Variants in ATP9A observed in about 807,000 individuals in gnomAD.
The protein encoded by ATP9A is ATPase phospholipid transporting 9A, also known as probable phospholipid-transporting ATPase IIA.
ATP9A carries 52 observed loss-of-function variants against 144.1 expected under a neutral mutation model. The observed-to-expected ratio is 0.36, with a 90% CI of 0.29 to 0.45. The LOEUF (loss-of-function observed/expected upper bound fraction) is 0.45. Among genes scored for constraint, ATP9A ranks in the 20% least tolerant of loss-of-function variants. The pLI is 1.00. For missense variants in ATP9A, 947 were observed against 1,392.7 expected (o/e 0.68, Z 5.09); for synonymous variants, 582 against 557.4 (o/e 1.04, Z -0.62).
intron 4 of ATP9A, among the ~76,000 whole-genome samples, chr20:51,700,902 G>C (rs1481589423): frequency 6.6e-6 from 1 of 152,136 alleles, no homozygotes; most frequent in Non-Finnish European, 1.5e-5. Context: ...TTGGCAGAAC[G>C]ATTTCATGGC....
At chr20:51,613,860 C>CAGA in intron 22 of ATP9A, 28 bp from the exon 23 acceptor site, 1 of 1,596,616 alleles carries the variant, frequency 6.3e-7, no homozygotes, top group Non-Finnish European at 8.5e-7. Context: ...TAGGCACCAT[C>CAGA]AGAAGCACAA....
intron 13 of ATP9A, among the ~76,000 whole-genome samples, 195 bp from the exon 14 acceptor site, chr20:51,657,345 A>G (rs1159925123): frequency 1.3e-5 from 2 of 152,130 alleles, no homozygotes; most frequent in African/African-American, 4.8e-5. Context: ...GCAAAAAAAA[A>G]AGAAAAAGAG....
At chr20:51,746,973 T>A (rs1470600448) in intron 1 of ATP9A, among the ~76,000 whole-genome samples, 18 of 151,788 alleles carry the variant, frequency 1.2e-4, no homozygotes, top group Non-Finnish European at 2.6e-4. Context: ...GCCATTGCAC[T>A]CCAGCCTGGG....
intron 4 of ATP9A, among the ~76,000 whole-genome samples, chr20:51,703,986 G>A (rs1021551903): frequency 6.6e-6 from 1 of 152,044 alleles, no homozygotes; most frequent in Non-Finnish European, 1.5e-5. Context: ...CATTTCCTGA[G>A]GTTGACATTA....
At chr20:51,661,063 C>A in intron 13 of ATP9A, among the ~76,000 whole-genome samples, 1 of 152,150 alleles carries the variant, frequency 6.6e-6, no homozygotes, top group East Asian at 1.9e-4. Context: ...AGGGCCCTGA[C>A]TTGGGCCCCT....
At chr20:51,699,645 C>T (rs1568826408) in intron 4 of ATP9A, among the ~76,000 whole-genome samples, 2 of 151,176 alleles carry the variant, frequency 1.3e-5, no homozygotes, top group African/African-American at 2.4e-5. Context: ...CTTCTGACTT[C>T]TTTTTTTTTC....
intron 1 of ATP9A, among the ~76,000 whole-genome samples, chr20:51,759,568 G>A (rs935945275): frequency 1.6e-4 from 24 of 152,074 alleles, no homozygotes; most frequent in Admixed American, 1.3e-4. Context: ...ATGTACTCAG[G>A]AGGCTGAGGC....
chr20:51,711,000 T>C (rs970893985), intron 4 of ATP9A, among the ~76,000 whole-genome samples: 6 of 152,064 alleles, frequency 3.9e-5, no homozygotes, highest in Non-Finnish European at 8.8e-5. Context: ...TTAAATGTTA[T>C]AGTAAGAATA....
At chr20:51,620,453 A>G (rs146077207) in intron 19 of ATP9A, among the ~76,000 whole-genome samples, 2 of 152,276 alleles carry the variant, frequency 1.3e-5, no homozygotes, top group African/African-American at 4.8e-5. Context: ...CCTGGTTGCA[A>G]TATCTTCATA....
chr20:51,717,710 C>A (rs1365925560), intron 3 of ATP9A, among the ~76,000 whole-genome samples: 4 of 152,102 alleles, frequency 2.6e-5, no homozygotes, highest in African/African-American at 7.2e-5. Context: ...AATCCCAGCA[C>A]TTTGGGAGGC....
chr20:51,671,891 C>T (rs184812387), intron 11 of ATP9A, among the ~76,000 whole-genome samples: 1 of 152,096 alleles, frequency 6.6e-6, no homozygotes, highest in Non-Finnish European at 1.5e-5. Context: ...CTTTGCCTCC[C>T]GGGTTCAAAC....
chr20:51,742,554 G>A (rs183217830), intron 1 of ATP9A, among the ~76,000 whole-genome samples: 6 of 151,398 alleles, frequency 4.0e-5, no homozygotes, highest in Non-Finnish European at 7.4e-5. Context: ...TCTTGCTGTC[G>A]CCCAGGCTGG....
At position 51,750,626 on chromosome 20, in the gene ATP9A, G is replaced by A. The variant is rs1053699869; in HGVS notation, c.68+17676C>T. Among the ~76,000 whole-genome samples, 13 of 152,254 alleles carry A rather than the reference G, an allele frequency of 8.5e-5. No individual in the cohort carries two copies. The South Asian group carries it at 2.1e-3, about 24-fold the overall frequency. On this transcript the variant is annotated intron_variant, in intron 1 of 27. Transcript: ENST00000338821. Reference sequence around the variant, plus strand: ...GCGAATGACTTGCCTTGCTCCTCCCGACTGTCCTACATCAAGGGCTTCTAT... The same window carrying A: ...GCGAATGACTTGCCTTGCTCCTCCCAACTGTCCTACATCAAGGGCTTCTAT...
At chr20:51,737,266 G>C (rs1210177431) in intron 1 of ATP9A, among the ~76,000 whole-genome samples, 1 of 152,148 alleles carries the variant, frequency 6.6e-6, no homozygotes, top group South Asian at 2.1e-4. Flanking sequence ...CGTCTTTGGG[G>C]ACCATCAAGA....
chr20:51,734,952 C>T (rs1335669558), intron 1 of ATP9A: 2 of 207,476 alleles, frequency 9.6e-6, no homozygotes, highest in East Asian at 2.2e-4. Context: ...TGCTAAGGGT[C>T]TTAGGCTGTG....
intron 4 of ATP9A, among the ~76,000 whole-genome samples, chr20:51,705,398 C>T (rs770301680): frequency 2.0e-5 from 3 of 152,188 alleles, no homozygotes; most frequent in Non-Finnish European, 4.4e-5. Flanking sequence ...GAGAGCATCA[C>T]TCAACTATCT....
Position 51,625,381 on chromosome 20 carries a change from T to C in ATP9A, c.1846-19A>G, listed in dbSNP as rs769023607. 3.7e-6 allele frequency: 6 copies of C among 1,606,564 alleles called. No homozygotes were observed. The highest frequency in any genetic ancestry group is 1.3e-5 in the African/African-American group (1 of 74,850). On this transcript the variant is annotated intron_variant, in intron 17 of 27. Coordinates refer to ENST00000338821, the MANE Select transcript of ATP9A (RefSeq NM_006045.3). ...AGCGGGCCTGGGACACACCAGCAGA[T>C]GCAGTCACTGCTTAGGGTGAGGAGA...
At chr20:51,698,610 G>A (rs1011709258) in intron 4 of ATP9A, among the ~76,000 whole-genome samples, 1 of 152,164 alleles carries the variant, frequency 6.6e-6, no homozygotes, top group Non-Finnish European at 1.5e-5. Flanking sequence ...GAGGGGAGGA[G>A]GCAATAAACA....
intron 1 of ATP9A, among the ~76,000 whole-genome samples, chr20:51,766,464 T>C (rs1011679642): frequency 1.1e-4 from 16 of 152,206 alleles, no homozygotes; most frequent in African/African-American, 3.6e-4. Flanking sequence ...CCACTGATCA[T>C]ATTAATTCAT....
Sources: gnomAD v4.1 joint callset for allele counts (sites outside exome capture counted in the v4.1 genomes callset) on GRCh38, gnomAD v4.1.1 for gene constraint, MANE v1.5 for transcripts, NCBI Gene and HGNC (gene_info 2026-07-23, HGNC 2026-07-21) for gene names.